SLC29A4: variants seen among roughly 807,000 people sequenced by gnomAD.
SLC29A4 encodes solute carrier family 29 member 4.
SLC29A4 carries 36 observed loss-of-function variants against 43.9 expected under a neutral mutation model. That is an observed-to-expected ratio of 0.82 (90% confidence interval 0.63 to 1.08). The LOEUF (loss-of-function observed/expected upper bound fraction) is 1.08, where lower values mean the gene tolerates loss of function less well. Among genes scored for constraint, SLC29A4 ranks in the 50% least tolerant of loss-of-function variants. The pLI is 0.00. For missense variants in SLC29A4, 869 were observed against 755.3 expected (o/e 1.15, Z -1.77); for synonymous variants, 491 against 338.0 (o/e 1.45, Z -4.97).
Position 5,300,608 on chromosome 7 carries a change from G to A in SLC29A4, c.1396G>A (p.Val466Met), listed in dbSNP as rs148343431. 29 of 1,610,816 alleles carry A rather than the reference G, an allele frequency of 1.8e-5. No individual in the cohort carries two copies. The highest frequency in any genetic ancestry group is 2.0e-4 in the Middle Eastern group (1 of 5,092). Residue 466 changes from valine (V) to methionine (M), a missense_variant, in exon 10 of 11, where the codon GTG (valine) becomes ATG (methionine). By Grantham distance (21) the Val-to-Met change is conservative (BLOSUM62 1). Coordinates refer to ENST00000396872, the MANE Select transcript of SLC29A4 (RefSeq NM_153247.4). ...CATCAGCAACGGCTACTTCGGCAGCGTGCCCATGATCCTGGCGGCAGGCAA... is the reference window on the plus strand; with the variant it reads ...CATCAGCAACGGCTACTTCGGCAGCATGCCCATGATCCTGGCGGCAGGCAA... The part of the protein sequence containing the change: ...MGISNGYFGS[V>M]PMILAAGKVS...
Position 5,303,921 on chromosome 7 carries a change from T to G in SLC29A4, c.*982T>G, listed in dbSNP as rs931805064. ...AGGGTGTCCTTCCAGAGACGGTGTT[T>G]CCAGGGGGAGGACCGCCCCCGCTTC... On this transcript the variant is annotated 3_prime_UTR_variant, in exon 11 of 11. Coordinates refer to ENST00000396872, the MANE Select transcript of SLC29A4 (RefSeq NM_153247.4). 6.6e-6 allele frequency: 1 copy of G among 152,372 alleles called. No individual in the cohort carries two copies. Among genetic ancestry groups the G allele is most frequent in the Non-Finnish European group, 1.5e-5 (1 of 68,198 alleles). 9.4% of individuals were successfully genotyped at this position (152,372 alleles called of 1,614,324 possible). A position where few individuals can be genotyped will look rare whatever the true frequency, so the allele number is the denominator to read the frequency against.
intron 1 of SLC29A4, among the ~76,000 whole-genome samples, chr7:5,285,655 G>C (rs1306656881): frequency 6.6e-6 from 1 of 152,256 alleles, no homozygotes; most frequent in Non-Finnish European, 1.5e-5. Context: ...AGGGGAGCTG[G>C]AGGAAATGAG....
chr7:5,295,967 C>T (rs1438492550), intron 6 of SLC29A4, among the ~76,000 whole-genome samples: 3 of 152,156 alleles, frequency 2.0e-5, no homozygotes, highest in Non-Finnish European at 4.4e-5. Context: ...CCCTGACCCA[C>T]CCTGCCTCAC....
Position 5,300,655 on chromosome 7 carries a change from G to A in SLC29A4, c.1443G>A (p.Glu481=), listed in dbSNP as rs1345719788. The A allele has an allele frequency of 1.9e-6, 3 of 1,607,980 alleles. No individual in the cohort carries two copies. Among genetic ancestry groups the A allele is most frequent in the Non-Finnish European group, 8.5e-7 (1 of 1,178,832 alleles). Residue 481 remains glutamate (E), a synonymous_variant, in exon 10 of 11, where the codon GAG becomes GAA. Transcript: ENST00000396872. ...AAGKVSPKQR[E]LAGNTMTVSY... is the part of the protein sequence containing the mutation. Reference sequence around the variant, plus strand: ...GCAAAGTGAGCCCCAAGCAGCGGGAGCTGGCAGGTGAGGCCCGCGGGACGT... The same window carrying A: ...GCAAAGTGAGCCCCAAGCAGCGGGAACTGGCAGGTGAGGCCCGCGGGACGT...
In SLC29A4 at chr7:5,302,956, G is replaced by GCCAGGGACGCCGAGGGCCTGA. The variant is rs1260804529; in HGVS notation, c.*24_*44dup. 1.2e-6 allele frequency: 2 copies of GCCAGGGACGCCGAGGGCCTGA among 1,600,398 alleles called. No homozygotes were observed. The highest frequency in any genetic ancestry group is 1.7e-6 in the Non-Finnish European group (2 of 1,175,074). On this transcript the variant is annotated 3_prime_UTR_variant, in exon 11 of 11. Transcript: ENST00000396872. ...GGCCTCTGAGCCAGCCCCGCCCACT[G>GCCAGGGACGCCGAGGGCCTGA]CCAGGGACGCCGAGGGCCTGACCAG...
chr7:5,299,468 G>T, intron 9 of SLC29A4, 41 bp downstream of exon 9: 1 of 1,585,636 alleles, frequency 6.3e-7, no homozygotes, highest in South Asian at 1.2e-5. Flanking sequence ...GACGCCATGG[G>T]GTGGGGGTGA....
chr7:5,297,084 C>G lies in SLC29A4; in HGVS notation c.768C>G (p.Arg256=). Residue 256 remains arginine (R), a synonymous_variant, in exon 7 of 11, where the codon CGC becomes CGG. Transcript: ENST00000396872. ...FLLHLLVRRS[R]FVLFYTTRPR... ...TGCACCTGTTAGTGCGGCGCAGCCG[C>G]TTCGTGCTCTTCTATACCACACGGC... 1.2e-6 allele frequency: 2 copies of G among 1,607,894 alleles called. No homozygotes were observed. The highest frequency in any genetic ancestry group is 1.7e-6 in the Non-Finnish European group (2 of 1,179,796).
chr7:5,300,296 G>A, intron 9 of SLC29A4, 126 bp from the exon 10 acceptor site: 1 of 1,401,894 alleles, frequency 7.1e-7, no homozygotes. Context: ...GAAGGGCAGG[G>A]GTGCAGGCTG....
intron 1 of SLC29A4, among the ~76,000 whole-genome samples, chr7:5,285,457 C>A (rs1433483099): frequency 1.3e-5 from 2 of 152,238 alleles, no homozygotes; most frequent in African/African-American, 4.8e-5. Context: ...GCTGAATCTC[C>A]CCAGCCCCCA....
At position 5,288,004 on chromosome 7, in the gene SLC29A4, A is replaced by G; in HGVS notation, c.169+19A>G. 6.2e-7 allele frequency: 1 copy of G among 1,600,230 alleles called. No homozygotes were observed. Among genetic ancestry groups the G allele is most frequent in the Non-Finnish European group, 8.5e-7 (1 of 1,174,432 alleles). The stretch of plus-strand genomic sequence containing the variant: ...GATACTAGTAAGTAGGCGTGCGGGC[A>G]AGGTGCGGGTCTTGCCCCAAAGCAG... On this transcript the variant is annotated intron_variant, in intron 2 of 10. Transcript: ENST00000396872.
At chr7:5,284,740 T>C (rs1245974925) in intron 1 of SLC29A4, among the ~76,000 whole-genome samples, 3 of 152,022 alleles carry the variant, frequency 2.0e-5, no homozygotes, top group Non-Finnish European at 2.9e-5. Flanking sequence ...CCCTCCACCA[T>C]GGGGACAGTG....
rs1260111075 is a variant in SLC29A4, at chr7:5,290,537, G to A, written c.170-195G>A. Among the ~76,000 whole-genome samples, 3 of 152,232 alleles carry A rather than the reference G, an allele frequency of 2.0e-5. No homozygotes were observed. In the East Asian group the frequency reaches 5.8e-4, roughly 29 times the overall value. ...CAGTGGCTGTGAGGGCGTGGGTGTG[G>A]TGGCTGTAGCCACAGTATTTGGTGG... On this transcript the variant is annotated intron_variant, in intron 2 of 10. Transcript: ENST00000396872.
chr7:5,295,084 T>A, intron 6 of SLC29A4, 150 bp downstream of exon 6: 2 of 701,598 alleles, frequency 2.9e-6, no homozygotes, highest in Non-Finnish European at 4.7e-6. Flanking sequence ...GATCACCATC[T>A]TTCCTGGCCT....
At chr7:5,283,924 C>T (rs1314343341) in intron 1 of SLC29A4, among the ~76,000 whole-genome samples, 3 of 152,066 alleles carry the variant, frequency 2.0e-5, no homozygotes, top group South Asian at 2.1e-4. Context: ...TTTGGGGTCC[C>T]GACGCCCAGC....
intron 1 of SLC29A4, among the ~76,000 whole-genome samples, chr7:5,286,549 A>AAAG (rs1784964621): frequency 6.7e-6 from 1 of 149,882 alleles, no homozygotes; most frequent in African/African-American, 2.4e-5. Flanking sequence ...AAAGAAAAAA[A>AAAG]TCATTTTAGG....
At chr7:5,289,677 C>A (rs140524932) in intron 2 of SLC29A4, among the ~76,000 whole-genome samples, 2 of 152,164 alleles carry the variant, frequency 1.3e-5, no homozygotes, top group East Asian at 3.9e-4. Flanking sequence ...GTCAAGGTGA[C>A]CATAAACAGA....
chr7:5,290,918 G>A, intron 3 of SLC29A4, 55 bp downstream of exon 3: 2 of 1,569,562 alleles, frequency 1.3e-6, no homozygotes, highest in Non-Finnish European at 8.7e-7. Flanking sequence ...CATGGCCTGG[G>A]GCCTCCCAGA....
At chr7:5,300,201 C>T (rs77366908) in intron 9 of SLC29A4, among the ~76,000 whole-genome samples, 12,584 of 152,172 alleles carry the variant, frequency 0.083, 571 homozygotes, top group African/African-American at 0.12. Context: ...CACTGCACTC[C>T]AGCTTGGGGG....
chr7:5,294,904 C>A lies in SLC29A4; in HGVS notation c.589C>A (p.Arg197=). 1 of 1,610,900 alleles carries A rather than the reference C, an allele frequency of 6.2e-7. No homozygotes were observed. Among genetic ancestry groups the A allele is most frequent in the East Asian group, 2.2e-5 (1 of 44,686 alleles). Residue 197 remains arginine, a synonymous_variant, in exon 6 of 11, where the codon CGG becomes AGG. Coordinates refer to ENST00000396872, the MANE Select transcript of SLC29A4 (RefSeq NM_153247.4). ...FYGYTGMLPK[R]YTQGVMTGES... ...CGGGTACACGGGGATGCTGCCCAAG[C>A]GGTACACGCAGGGGGTGATGACCGG...
Sources: allele counts gnomAD v4.1 joint callset (sites outside exome capture counted in the v4.1 genomes callset), GRCh38; gene constraint gnomAD v4.1.1; transcripts MANE v1.5; gene names NCBI Gene and HGNC (gene_info 2026-07-23, HGNC 2026-07-21).